Variants in ZFHX3 observed in about 807,000 individuals in gnomAD.
ZFHX3 encodes the protein zinc finger homeobox 3, also known as zinc finger homeobox protein 3.
In ZFHX3, 42 loss-of-function variants were observed where a neutral mutation model predicts 279.1. The observed-to-expected ratio is 0.15, with a 90% CI of 0.12 to 0.19. ZFHX3 has a LOEUF of 0.19. Ranked by LOEUF, ZFHX3 falls within the 10% of genes least tolerant of loss-of-function variation. The pLI is 1.00. For synonymous variants in ZFHX3, 2,293 were observed against 1,957.8 expected, an observed-to-expected ratio of 1.17 and a Z score of -4.52; for missense variants, 4,981 against 4,754.0, an observed-to-expected ratio of 1.05 and a Z score of -1.40.
At chr16:73,237,833 G>C (rs1299435027) in intron 5 of ZFHX3, among the ~76,000 whole-genome samples, 3 of 152,162 alleles carry the variant, frequency 2.0e-5, no homozygotes, top group Non-Finnish European at 4.4e-5. Context: ...GGCAAAGGCA[G>C]AAGCCATCCT....
intron 4 of ZFHX3, among the ~76,000 whole-genome samples, chr16:72,876,575 T>C (rs940641494): frequency 6.6e-6 from 1 of 151,868 alleles, no homozygotes; most frequent in East Asian, 1.9e-4. Context: ...TCTCTCCTGT[T>C]CTACCCAGGC....
At chr16:73,707,731 A>G (rs1263933359) in intron 1 of ZFHX3, among the ~76,000 whole-genome samples, 2 of 143,556 alleles carry the variant, frequency 1.4e-5, no homozygotes, top group Admixed American at 7.4e-5. Context: ...CCTAAAACTT[A>G]AAGTATAATA....
chr16:73,127,101 C>G (rs1966582044), intron 7 of ZFHX3: 4 of 275,796 alleles, frequency 1.5e-5, no homozygotes, highest in Non-Finnish European at 2.8e-5. Flanking sequence ...TGAAATCCAC[C>G]TGAAATGAAT....
At chr16:73,579,289 T>A (rs189275926) in intron 2 of ZFHX3, among the ~76,000 whole-genome samples, 112 of 152,196 alleles carry the variant, frequency 7.4e-4, no homozygotes, top group African/African-American at 2.5e-3. Context: ...GATGCCTATG[T>A]CTCTTTAAGA....
intron 7 of ZFHX3, among the ~76,000 whole-genome samples, chr16:73,105,431 AT>A: frequency 1.1e-5 from 1 of 91,532 alleles, no homozygotes; most frequent in Non-Finnish European, 1.9e-5. Context: ...ATATATATAT[AT>A]ACACACACAC....
At chr16:73,313,314 G>T (rs1420962994) in intron 4 of ZFHX3, among the ~76,000 whole-genome samples, 1 of 152,138 alleles carries the variant, frequency 6.6e-6, no homozygotes, top group Non-Finnish European at 1.5e-5. Flanking sequence ...GTCTTGGGTA[G>T]TTCTTTATAG....
chr16:73,370,665 T>C (rs1445183077), intron 3 of ZFHX3, among the ~76,000 whole-genome samples: 2 of 152,196 alleles, frequency 1.3e-5, no homozygotes, highest in African/African-American at 4.8e-5. Context: ...CAGGTTATGA[T>C]GGTCAACTGC....
chr16:73,890,359 T>C (rs1448185543), intron 1 of ZFHX3, among the ~76,000 whole-genome samples: 1 of 152,104 alleles, frequency 6.6e-6, no homozygotes. Context: ...CAGCGAATGT[T>C]CCATTTTTAC....
upstream of ZFHX3, among the ~76,000 whole-genome samples, chr16:73,051,457 G>C (rs998539510): frequency 1.3e-5 from 2 of 152,160 alleles, no homozygotes; most frequent in African/African-American, 4.8e-5. Context: ...ATAACCATTG[G>C]AAGCTGGTGT....
intron 5 of ZFHX3, among the ~76,000 whole-genome samples, chr16:73,186,723 T>C (rs1378767471): frequency 6.6e-6 from 1 of 152,074 alleles, no homozygotes; most frequent in Non-Finnish European, 1.5e-5. Flanking sequence ...AACGATAAAG[T>C]TGTTACACAA....
intron 1 of ZFHX3, among the ~76,000 whole-genome samples, chr16:73,026,809 G>A (rs2098883292): frequency 1.3e-5 from 2 of 152,212 alleles, no homozygotes; most frequent in African/African-American, 2.4e-5. Flanking sequence ...TGGAATCGCT[G>A]GGGGAGAAGA....
rs576321589 is a variant in ZFHX3 at position 73,375,671 on chromosome 16, A to T, written c.-1290-57335T>A. 1.3e-4 allele frequency among the ~76,000 whole-genome samples: 20 copies of T among 152,282 alleles called. No homozygotes were observed. In the East Asian group the frequency reaches 3.1e-3, roughly 23 times the overall value. ...TTAACTTTATTGATCCTTCAGCTGT[A>T]TCTCCTTTTCTCCATGCTAAAAAAT... On this transcript the variant is annotated intron_variant, in intron 3 of 17. Coordinates refer to the ZFHX3 transcript ENST00000641206.
chr16:73,838,789 T>TGCGC (rs959976365), intron 1 of ZFHX3, among the ~76,000 whole-genome samples: 5 of 144,238 alleles, frequency 3.5e-5, no homozygotes, highest in African/African-American at 1.3e-4. Flanking sequence ...TGTGTGTGTG[T>TGCGC]GCGTGCGCGC....
At chr16:73,564,842 T>C (rs979443700) in intron 2 of ZFHX3, among the ~76,000 whole-genome samples, 1 of 152,254 alleles carries the variant, frequency 6.6e-6, no homozygotes, top group African/African-American at 2.4e-5. Context: ...TCTTAAATGC[T>C]GGTAGCTATG....
At chr16:72,930,752 CA>C (rs1959747390) in intron 3 of ZFHX3, among the ~76,000 whole-genome samples, 1 of 151,896 alleles carries the variant, frequency 6.6e-6, no homozygotes, top group Non-Finnish European at 1.5e-5. Flanking sequence ...TGTACATTGC[CA>C]AAATAAGGAA....
chr16:72,970,717 C>T (rs1962068250), intron 1 of ZFHX3, among the ~76,000 whole-genome samples: 2 of 152,320 alleles, frequency 1.3e-5, no homozygotes, highest in South Asian at 4.1e-4. Context: ...TTTCCTTTGC[C>T]AGCACTCAAG....
At chr16:73,041,955 G>A (rs914843150) in intron 1 of ZFHX3, among the ~76,000 whole-genome samples, 15 of 152,190 alleles carry the variant, frequency 9.9e-5, no homozygotes, top group Non-Finnish European at 2.9e-5. Context: ...TTGGGAGATG[G>A]AGAAGAAAGG....
intron 8 of ZFHX3, among the ~76,000 whole-genome samples, chr16:73,064,830 AGGCGCGGAGCCGGTGGCTCTCCCG>A (rs1965726536): frequency 6.6e-6 from 1 of 152,304 alleles, no homozygotes; most frequent in African/African-American, 2.4e-5. Flanking sequence ...TTGGGGCAGG[AGGCGCGGAGCCGGTGGCTCTCCCG>A]GGTTCCACAC....
chr16:73,591,692 C>CAAAAAAAAA (rs57402211), intron 2 of ZFHX3, among the ~76,000 whole-genome samples: 19 of 33,424 alleles, frequency 5.7e-4, no homozygotes, highest in East Asian at 1.3e-3. Context: ...GACTCTGTCT[C>CAAAAAAAAA]AAAAAAAAAA....
Sources: gnomAD v4.1 joint callset for allele counts (sites outside exome capture counted in the v4.1 genomes callset) on GRCh38, gnomAD v4.1.1 for gene constraint, MANE v1.5 for transcripts, NCBI Gene and HGNC (gene_info 2026-07-23, HGNC 2026-07-21) for gene names.